The following FEZ2 variants were observed in gnomAD, a reference collection of about 807,000 sequenced individuals.
FEZ2 encodes the protein fasciculation and elongation protein zeta 2, also known as fasciculation and elongation protein zeta-2.
A neutral mutation model predicts 40.4 loss-of-function variants in FEZ2; 51 were observed. The observed-to-expected ratio is 1.26, with a 90% CI of 1.01 to 1.59. The LOEUF is 1.59. Among genes scored for constraint, FEZ2 ranks in the 40% most tolerant of loss-of-function variants. The pLI is 0.00. For missense variants in FEZ2, 640 were observed against 438.3 expected, an observed-to-expected ratio of 1.46 and a Z score of -4.11; for synonymous variants, 242 against 172.0, an observed-to-expected ratio of 1.41 and a Z score of -3.18.
At chr2:36,561,723 C>CT (rs201288922) in intron 5 of FEZ2, among the ~76,000 whole-genome samples, 2,619 of 152,240 alleles carry the variant, frequency 0.017, 52 homozygotes, top group Non-Finnish European at 0.019. Context: ...AGGGGAAAGG[C>CT]TTCGTGAAAA....
At chr2:36,556,058 G>A (rs774737139) in intron 6 of FEZ2, 14 of 525,876 alleles carry the variant, frequency 2.7e-5, no homozygotes, top group East Asian at 5.5e-5. Flanking sequence ...AGGAGCCTTC[G>A]CTCTGTAATA....
chr2:36,565,391 T>C (rs1015977588), intron 5 of FEZ2, among the ~76,000 whole-genome samples: 3 of 152,220 alleles, frequency 2.0e-5, no homozygotes, highest in African/African-American at 7.2e-5. Flanking sequence ...TGCCTCAGAA[T>C]GTCGTACGAC....
chr2:36,581,486 T>C (rs1668746752), intron 3 of FEZ2, 55 bp from the exon 4 acceptor site: 7 of 1,547,978 alleles, frequency 4.5e-6, no homozygotes, highest in African/African-American at 1.4e-5. Context: ...AAATGATCTA[T>C]CTGGAACACA....
chr2:36,582,563 C>A (rs1280462742), intron 3 of FEZ2, among the ~76,000 whole-genome samples: 2 of 152,188 alleles, frequency 1.3e-5, no homozygotes, highest in Admixed American at 1.3e-4. Flanking sequence ...AACCTTCCAA[C>A]CTACTATTAC....
intron 5 of FEZ2, among the ~76,000 whole-genome samples, chr2:36,569,381 AAAAT>A (rs1166601021): frequency 6.6e-6 from 1 of 152,254 alleles, no homozygotes; most frequent in Non-Finnish European, 1.5e-5. Context: ...CAGCTGAGAA[AAAAT>A]AAATCCCCGA....
At chr2:36,554,973 CCTG>C in intron 7 of FEZ2, among the ~76,000 whole-genome samples, 1 of 152,284 alleles carries the variant, frequency 6.6e-6, no homozygotes, top group Non-Finnish European at 1.5e-5. Flanking sequence ...TCCCTGAATA[CCTG>C]CTACTTTAAA....
chr2:36,572,472 T>G (rs1668446409), intron 5 of FEZ2, among the ~76,000 whole-genome samples: 1 of 152,224 alleles, frequency 6.6e-6, no homozygotes, highest in Admixed American at 6.5e-5. Context: ...TTTTACTAAG[T>G]CTAAATCAGA....
Position 36,583,270 on chromosome 2 carries a change from G to A in FEZ2, c.492+83C>T, listed in dbSNP as rs1668803923. 10 of 732,330 alleles carry A rather than the reference G, an allele frequency of 1.4e-5. 1 individual carries two copies. Among genetic ancestry groups the A allele is most frequent in the South Asian group, 1.1e-4 (7 of 65,114 alleles). 45.4% of individuals were successfully genotyped at this position (732,330 alleles called of 1,614,324 possible). On this transcript the variant is annotated intron_variant, in intron 3 of 7. Coordinates refer to ENST00000405912, the MANE Select transcript of FEZ2 (RefSeq NM_005102.3). ...AATAGGAAAGATAAGTAAACCAACA[G>A]CCATCATTTACTGTCATAACAAGAA...
chr2:36,577,473 C>T (rs1376202349), intron 5 of FEZ2, among the ~76,000 whole-genome samples: 2 of 152,046 alleles, frequency 1.3e-5, no homozygotes, highest in African/African-American at 4.8e-5. Flanking sequence ...AGGCTGGTCT[C>T]GAACTCCTGA....
chr2:36,572,151 T>G (rs2125229361), intron 5 of FEZ2, among the ~76,000 whole-genome samples: 1 of 152,218 alleles, frequency 6.6e-6, no homozygotes, highest in East Asian at 1.9e-4. Flanking sequence ...CTTTTGTTTG[T>G]CTCCATATTT....
chr2:36,558,645 T>G, intron 5 of FEZ2, 132 bp from the exon 6 acceptor site: 1 of 490,952 alleles, frequency 2.0e-6, no homozygotes, highest in Non-Finnish European at 3.5e-6. Context: ...AACACAGGTA[T>G]TGTATGGGAA....
chr2:36,595,573 T>C (rs541503031), intron 1 of FEZ2, among the ~76,000 whole-genome samples: 1 of 152,280 alleles, frequency 6.6e-6, no homozygotes, highest in Admixed American at 6.5e-5. Flanking sequence ...TCACCTCCTG[T>C]AGTGTGGCCC....
In FEZ2 at chr2:36,590,912, TGA is replaced by T; in HGVS notation, c.364_365del (p.Ser122ArgfsTer6). The T allele has an allele frequency of 6.3e-7, 1 of 1,591,644 alleles. No homozygotes were observed. Among genetic ancestry groups the T allele is most frequent in the Non-Finnish European group, 8.6e-7 (1 of 1,159,618 alleles). ...TCAATTCCTAACTTACCCCTTTTTC[TGA>T]GAGGTTCAGAGTAAGCAAGTGCAAG... ...RTLHLLTLNL[S>X]EKGVSDSLLF... is the part of the protein sequence containing the mutation. On this transcript the variant is annotated frameshift_variant, in exon 2 of 8. Coordinates refer to ENST00000405912, the MANE Select transcript of FEZ2 (RefSeq NM_005102.3). LOFTEE classifies it high-confidence loss of function.
At chr2:36,571,452 G>C (rs180805727) in intron 5 of FEZ2, among the ~76,000 whole-genome samples, 112 of 152,148 alleles carry the variant, frequency 7.4e-4, no homozygotes, top group African/African-American at 2.3e-3. Flanking sequence ...CTTGAGGCCA[G>C]TAGTTCAAGA....
intron 5 of FEZ2, among the ~76,000 whole-genome samples, chr2:36,562,533 T>G (rs1488695955): frequency 6.6e-6 from 1 of 152,210 alleles, no homozygotes; most frequent in Non-Finnish European, 1.5e-5. Flanking sequence ...CTTTCCCAGA[T>G]TTGCAAGCCA....
intron 2 of FEZ2, 27 bp downstream of exon 2, chr2:36,590,876 A>T (rs1380948426): frequency 1.6e-6 from 2 of 1,238,782 alleles, no homozygotes; most frequent in Non-Finnish European, 2.4e-6. Flanking sequence ...AGTTATTCAA[A>T]CACTATTGGT....
At chr2:36,578,320 A>G (rs952143018) in intron 5 of FEZ2, among the ~76,000 whole-genome samples, 2 of 152,246 alleles carry the variant, frequency 1.3e-5, no homozygotes, top group Non-Finnish European at 2.9e-5. Flanking sequence ...TCTTTTCTTC[A>G]AGACATTCTC....
At chr2:36,565,900 T>C (rs1668222794) in intron 5 of FEZ2, among the ~76,000 whole-genome samples, 1 of 152,112 alleles carries the variant, frequency 6.6e-6, no homozygotes, top group Non-Finnish European at 1.5e-5. Flanking sequence ...TGCCCAGTTG[T>C]GACAACAACA....
At position 36,565,313 on chromosome 2, in the gene FEZ2, C is replaced by T. The variant is rs143494206; in HGVS notation, c.904-6800G>A. On this transcript the variant is annotated intron_variant, in intron 5 of 7. Coordinates refer to ENST00000405912, the MANE Select transcript of FEZ2 (RefSeq NM_005102.3). ...GAAGTTCTCTTCCAAAACAGACAAA[C>T]CCAAACATGTAACTACCTGACCTAA... 3.3e-3 allele frequency among the ~76,000 whole-genome samples: 502 copies of T among 152,290 alleles called. 3 individuals carry two copies. The highest frequency in any genetic ancestry group is 5.1e-3 in the Non-Finnish European group (347 of 68,026).
Sources: allele counts gnomAD v4.1 joint callset (sites outside exome capture counted in the v4.1 genomes callset), GRCh38; gene constraint gnomAD v4.1.1; transcripts MANE v1.5; gene names NCBI Gene and HGNC (gene_info 2026-07-23, HGNC 2026-07-21).